Variants in SLC4A4 observed in about 807,000 individuals in gnomAD.
SLC4A4 encodes solute carrier family 4 member 4, also known as electrogenic sodium bicarbonate cotransporter 1.
SLC4A4 carries 27 observed loss-of-function variants against 111.5 expected under a neutral mutation model. The observed-to-expected ratio is 0.24, with a 90% CI of 0.18 to 0.33. SLC4A4 has a LOEUF of 0.33. Among genes scored for constraint, SLC4A4 ranks in the 10% least tolerant of loss-of-function variants. The pLI is 1.00. For missense variants in SLC4A4, 909 were observed against 1,315.5 expected (o/e 0.69, Z 4.78); for synonymous variants, 443 against 463.4 (o/e 0.96, Z 0.57).
At position 71,271,562 on chromosome 4, in the gene SLC4A4, T is replaced by C. The variant is rs185353631; in HGVS notation, c.253+16163T>C. On this transcript the variant is annotated intron_variant, in intron 3 of 25. Transcript: ENST00000264485. ...TTCCTACAGTTGAATTTAATTTGTC[T>C]TTGAGCTTCCTGGCAGCCAAGATAA... Among the ~76,000 whole-genome samples, 179 of 152,342 alleles carry C rather than the reference T, an allele frequency of 1.2e-3. 1 individual carries two copies. Among genetic ancestry groups the C allele is most frequent in the African/African-American group, 4.2e-3 (176 of 41,586 alleles).
chr4:71,166,052 C>G (rs552889528), intron 2 of SLC4A4, among the ~76,000 whole-genome samples: 1 of 152,048 alleles, frequency 6.6e-6, no homozygotes, highest in African/African-American at 2.4e-5. Context: ...GAAAAATTTC[C>G]TATTGATAAT....
intron 2 of SLC4A4, among the ~76,000 whole-genome samples, chr4:71,140,441 A>T (rs900609391): frequency 3.3e-5 from 5 of 152,074 alleles, no homozygotes; most frequent in African/African-American, 1.2e-4. Context: ...CAAACAAACA[A>T]AACCTCTGCT....
At chr4:71,122,205 C>G (rs1444268825) in intron 2 of SLC4A4, among the ~76,000 whole-genome samples, 1 of 151,516 alleles carries the variant, frequency 6.6e-6, no homozygotes, top group Non-Finnish European at 1.5e-5. Context: ...ACCAGCTACT[C>G]AGGAGGCTGA....
chr4:71,385,334 G>C (rs1482832068), intron 6 of SLC4A4, among the ~76,000 whole-genome samples: 1 of 149,998 alleles, frequency 6.7e-6, no homozygotes, highest in Non-Finnish European at 1.5e-5. Flanking sequence ...GAGTACCTGG[G>C]ATTACAGGCA....
rs147905325 is a variant in SLC4A4 at position 71,282,956 on chromosome 4, G to A, written c.253+27557G>A. Among the ~76,000 whole-genome samples the A allele has an allele frequency of 6.0e-4, 91 of 152,220 alleles. 1 individual carries two copies. In the East Asian group the frequency reaches 0.011, roughly 19 times the overall value. On this transcript the variant is annotated intron_variant, in intron 3 of 25. Transcript: ENST00000264485. The stretch of plus-strand genomic sequence containing the variant: ...CTGTGACTGGTGACTGGATTTTTCC[G>A]CAACGATAAAGGGACTATTACATTG...
intron 3 of SLC4A4, chr4:71,300,746 G>C: frequency 2.7e-6 from 1 of 371,756 alleles, no homozygotes; most frequent in Non-Finnish European, 5.4e-6. Context: ...AGGGTGTTTC[G>C]AAGGTCTTAC....
At chr4:71,339,675 A>G (rs1728728375) in intron 4 of SLC4A4, among the ~76,000 whole-genome samples, 170 bp downstream of exon 4, 1 of 152,008 alleles carries the variant, frequency 6.6e-6, no homozygotes, top group Non-Finnish European at 1.5e-5. Context: ...TTTTTTGTTG[A>G]CATGAATGCA....
chr4:71,322,413 G>A (rs538965920), intron 3 of SLC4A4, among the ~76,000 whole-genome samples: 1 of 152,076 alleles, frequency 6.6e-6, no homozygotes, highest in East Asian at 1.9e-4. Flanking sequence ...GCATCCAATG[G>A]CAGCATTAGT....
chr4:71,556,936 T>C (rs1423671750), intron 21 of SLC4A4, among the ~76,000 whole-genome samples: 2 of 152,026 alleles, frequency 1.3e-5, no homozygotes, highest in East Asian at 1.9e-4. Flanking sequence ...TGAAAGATCC[T>C]GTGATAGGTT....
intron 2 of SLC4A4, among the ~76,000 whole-genome samples, chr4:71,160,302 C>G (rs1252005016): frequency 6.6e-6 from 1 of 151,318 alleles, no homozygotes; most frequent in East Asian, 1.9e-4. Context: ...ATTGTTTTAT[C>G]TTATTCATGT....
chr4:71,220,935 A>T (rs1197484899), intron 1 of SLC4A4, among the ~76,000 whole-genome samples: 2 of 152,034 alleles, frequency 1.3e-5, no homozygotes, highest in Non-Finnish European at 2.9e-5. Context: ...AGTTCTTGTC[A>T]TTTAGCTCCC....
At chr4:71,153,689 G>A (rs1419737752) in intron 2 of SLC4A4, among the ~76,000 whole-genome samples, 2 of 151,848 alleles carry the variant, frequency 1.3e-5, no homozygotes, top group African/African-American at 4.8e-5. Context: ...CTTCGTCTTT[G>A]TTAGAAATAA....
At position 71,167,009 on chromosome 4, in the gene SLC4A4, G is replaced by A. The variant is rs59588439; in HGVS notation, c.-1-69567G>A. 5.3e-3 allele frequency among the ~76,000 whole-genome samples: 807 copies of A among 152,184 alleles called. 9 individuals carry two copies. Among genetic ancestry groups the A allele is most frequent in the African/African-American group, 0.019 (773 of 41,526 alleles). On this transcript the variant is annotated intron_variant, in intron 2 of 26. Coordinates refer to the SLC4A4 transcript ENST00000649996. ...AAAACTTAGTAACTTACAACAATAA[G>A]CATTTTATTATGTTCACAGATTCTG...
chr4:71,135,718 G>A (rs1021488201), intron 2 of SLC4A4, among the ~76,000 whole-genome samples: 1 of 152,076 alleles, frequency 6.6e-6, no homozygotes, highest in Non-Finnish European at 1.5e-5. Context: ...CCCTTTGACT[G>A]ACATAATCCA....
At chr4:71,394,797 C>T (rs1318950992) in intron 6 of SLC4A4, among the ~76,000 whole-genome samples, 2 of 152,116 alleles carry the variant, frequency 1.3e-5, no homozygotes, top group African/African-American at 2.4e-5. Flanking sequence ...GATTGGAGAC[C>T]GTTATTCTAA....
At chr4:71,339,024 T>C (rs1728663924) in intron 3 of SLC4A4, 1 of 1,426,870 alleles carries the variant, frequency 7.0e-7, no homozygotes, top group Non-Finnish European at 9.2e-7. Flanking sequence ...GCTTTTGTCT[T>C]ATAATTTTGG....
intron 7 of SLC4A4, among the ~76,000 whole-genome samples, chr4:71,420,855 C>T (rs1230171404): frequency 6.7e-6 from 1 of 149,644 alleles, no homozygotes; most frequent in African/African-American, 2.5e-5. Flanking sequence ...TGGAAAGGAA[C>T]AACCGGTACC....
intron 10 of SLC4A4, 38 bp from the exon 11 acceptor site, chr4:71,451,150 T>C: frequency 7.6e-7 from 1 of 1,322,040 alleles, no homozygotes. Context: ...ATGAATAAAA[T>C]AAACTAATAT....
chr4:71,079,734 C>A (rs1741941550), intron 1 of SLC4A4, among the ~76,000 whole-genome samples: 1 of 150,536 alleles, frequency 6.6e-6, no homozygotes, highest in African/African-American at 2.4e-5. Flanking sequence ...AGTGGCTGTG[C>A]CACTGCATTC....
Sources: allele counts gnomAD v4.1 joint callset (sites outside exome capture counted in the v4.1 genomes callset), GRCh38; gene constraint gnomAD v4.1.1; transcripts MANE v1.5; gene names NCBI Gene and HGNC (gene_info 2026-07-23, HGNC 2026-07-21).